FAM83G: variants seen among roughly 807,000 people sequenced by gnomAD.
The protein encoded by FAM83G is protein FAM83G.
Under a neutral mutation model 61.5 loss-of-function variants are expected in FAM83G, and 38 were observed. The observed-to-expected ratio is 0.62, with a 90% confidence interval of 0.48 to 0.81. The LOEUF (loss-of-function observed/expected upper bound fraction) is 0.81, where lower values mean the gene tolerates loss of function less well. Among genes scored for constraint, FAM83G ranks in the 30% least tolerant of loss-of-function variants. The pLI is 0.00. For missense variants in FAM83G, 989 were observed against 1,133.6 expected, an observed-to-expected ratio of 0.87 and a Z score of 1.83; for synonymous variants, 470 against 476.1, an observed-to-expected ratio of 0.99 and a Z score of 0.17.
intron 5 of FAM83G, among the ~76,000 whole-genome samples, chr17:18,974,540 C>G (rs1002910028): frequency 6.6e-6 from 1 of 152,326 alleles, no homozygotes; most frequent in African/African-American, 2.4e-5. Context: ...CCTGCTGATG[C>G]CGCAGCTCCA....
chr17:18,978,439 C>T lies in FAM83G; in HGVS notation c.1227G>A (p.Glu409=). Residue 409 remains glutamate (E), a synonymous_variant, in exon 5 of 6, where the codon GAG becomes GAA. Transcript: ENST00000388995. ...CTGGCTCCACCCACGTGGGCAGGTA[C>T]TCAAACATGTTGGCCCTCTCCAGGT... ...LLHLERANMF[E]YLPTWVEPDP... is the part of the protein sequence containing the mutation. 6.2e-7 allele frequency: 1 copy of T among 1,601,930 alleles called. No individual in the cohort carries two copies. Among genetic ancestry groups the T allele is most frequent in the South Asian group, 1.1e-5 (1 of 89,822 alleles).
At position 18,984,109 on chromosome 17, in the gene FAM83G, G is replaced by C. The variant is rs187542399; in HGVS notation, c.690+4138C>G. Among the ~76,000 whole-genome samples, 5 of 152,238 alleles carry C rather than the reference G, an allele frequency of 3.3e-5. No individual in the cohort carries two copies. The East Asian group carries it at 9.7e-4, about 29-fold the overall frequency. Reference sequence around the variant, plus strand: ...TGTAATCCCCGCACTTTGGGAGGCCGAGGCGGGCGGATCACGAGGTCAGCA... The same window carrying C: ...TGTAATCCCCGCACTTTGGGAGGCCCAGGCGGGCGGATCACGAGGTCAGCA... On this transcript the variant is annotated intron_variant, in intron 3 of 5. Coordinates refer to ENST00000388995, the MANE Select transcript of FAM83G (RefSeq NM_001039999.3).
intron 5 of FAM83G, chr17:18,975,602 G>A (rs2042956175): frequency 6.6e-6 from 1 of 152,176 alleles, no homozygotes; most frequent in South Asian, 2.1e-4. Context: ...GCTGAGGCAG[G>A]AGAATCCCTT....
chr17:18,974,595 A>G (rs1476699363), intron 5 of FAM83G, among the ~76,000 whole-genome samples: 1 of 152,204 alleles, frequency 6.6e-6, no homozygotes, highest in Non-Finnish European at 1.5e-5. Context: ...CTCAGTCATA[A>G]CAGCAACCAC....
chr17:19,005,912 G>A (rs528978669), upstream of FAM83G, among the ~76,000 whole-genome samples: 1 of 152,174 alleles, frequency 6.6e-6, no homozygotes, highest in Non-Finnish European at 1.5e-5. Context: ...TGATCCCAGC[G>A]GGGGAGCCCT....
chr17:18,968,911 G>T lies in FAM83G; in HGVS notation c.*2448C>A. On this transcript the variant is annotated 3_prime_UTR_variant, in exon 6 of 6. Transcript: ENST00000388995. The surrounding 1 kb of genome is among the most constrained non-coding windows in gnomAD (Gnocchi z 4.1). ...AACCTCACAATGGCCCCGTGATGCA[G>T]GCAGGCAGGCGAGTGGGGGTCTCCC... 1.4e-6 allele frequency: 1 copy of T among 691,352 alleles called. No homozygotes were observed. Among genetic ancestry groups the T allele is most frequent in the Non-Finnish European group, 2.4e-6 (1 of 421,458 alleles). 42.8% of individuals were successfully genotyped at this position (691,352 alleles called of 1,614,324 possible). A position where few individuals can be genotyped will look rare whatever the true frequency, so the allele number is the denominator to read the frequency against.
rs80076342 is a variant in FAM83G at position 19,000,101 on chromosome 17, C to T, written c.522+3419G>A. On this transcript the variant is annotated intron_variant, in intron 2 of 5. Coordinates refer to ENST00000388995, the MANE Select transcript of FAM83G (RefSeq NM_001039999.3). The surrounding 1 kb of genome is among the most constrained non-coding windows in gnomAD (Gnocchi z 5.2). ...CCTCCCAGGCGTGATCTTACAAGCC[C>T]GTCCTCTGGTATGTAGTTGGAACCC... Among the ~76,000 whole-genome samples the T allele has an allele frequency of 4.5e-3, 678 of 152,350 alleles. 6 individuals are homozygous for T. Among genetic ancestry groups the T allele is most frequent in the African/African-American group, 0.016 (655 of 41,590 alleles).
At chr17:18,984,883 G>A (rs1326999404) in intron 3 of FAM83G, among the ~76,000 whole-genome samples, 5 of 152,258 alleles carry the variant, frequency 3.3e-5, no homozygotes, top group Non-Finnish European at 4.4e-5. Context: ...CACATGGAGG[G>A]CCACTGGGGC....
rs749944687 is a variant in FAM83G, at chr17:18,978,668, G to A, written c.998C>T (p.Pro333Leu). The change falls in exon 5 of 6, where the codon CCC (proline) becomes CTC (leucine). Residue 333 changes from proline (P) to leucine (L), a missense_variant. By Grantham distance (98) the Pro-to-Leu change is moderately conservative (BLOSUM62 -3). This residue lies in a region of FAM83G where 44 missense variants were observed against 83.9 expected (regional missense o/e 0.52). Transcript: ENST00000388995. ...PEPIVLPSVV[P>L]LVPAGTVAKK... ...GGCCACAGTGCCCGCGGGCACCAGG[G>A]GGACCACAGAGGGCAGCACAATAGG... 2 of 1,612,994 alleles carry A rather than the reference G, an allele frequency of 1.2e-6. No homozygotes were observed. The highest frequency in any genetic ancestry group is 1.7e-6 in the Non-Finnish European group (2 of 1,180,000).
chr17:19,000,956 C>T lies in FAM83G; in HGVS notation c.522+2564G>A, dbSNP rs564906874. Among the ~76,000 whole-genome samples, 1 of 152,280 alleles carries T rather than the reference C, an allele frequency of 6.6e-6. No individual in the cohort carries two copies. The highest frequency in any genetic ancestry group is 1.9e-4 in the East Asian group (1 of 5,176). On this transcript the variant is annotated intron_variant, in intron 2 of 5. Transcript: ENST00000388995. The surrounding 1 kb of genome is among the most constrained non-coding windows in gnomAD (Gnocchi z 5.2). ...GCAGTGGCCTGGATGAGCTGCCCCT[C>T]CCAGCCCCTGCCTGTCACTCTGTCC...
intron 5 of FAM83G, among the ~76,000 whole-genome samples, chr17:18,974,139 C>T (rs537157725): frequency 1.3e-5 from 2 of 152,176 alleles, no homozygotes; most frequent in African/African-American, 2.4e-5. Flanking sequence ...GATCCGCCCA[C>T]CTAGGCCTCC....
intron 2 of FAM83G, among the ~76,000 whole-genome samples, chr17:18,991,497 G>C (rs769407767): frequency 3.2e-4 from 48 of 152,196 alleles, no homozygotes; most frequent in Non-Finnish European, 6.2e-4. Context: ...GCAGGGCAAG[G>C]GCTGTGGAAA....
intron 3 of FAM83G, among the ~76,000 whole-genome samples, chr17:18,984,022 C>T (rs2043201690): frequency 6.6e-6 from 1 of 152,230 alleles, no homozygotes; most frequent in Non-Finnish European, 1.5e-5. Context: ...AAATGTCCCT[C>T]AGCAGAGTGA....
rs1271050660 is a variant in FAM83G, at chr17:19,003,704, G to C, written c.338C>G (p.Pro113Arg). 6.2e-7 allele frequency: 1 copy of C among 1,606,446 alleles called. No homozygotes were observed. Residue 113 changes from proline to arginine, a missense_variant, in exon 2 of 6, where the codon CCG becomes CGG. Around this residue, in one of 3 missense-constraint regions of FAM83G, gnomAD observed 371 missense variants for 404.5 expected, o/e 0.92. Coordinates refer to ENST00000388995, the MANE Select transcript of FAM83G (RefSeq NM_001039999.3). This position sits in a 1 kb window ranked among gnomAD's most constrained non-coding sequence, Gnocchi z 4.5. The part of the protein sequence containing the change: ...GADGVPIEAE[P>R]LPSLEYWPQK... ...GGGCCAGTACTCCAGGGAGGGCAGCGGCTCGGCCTCGATGGGGACCCCATC... is the reference window on the plus strand; with the variant it reads ...GGGCCAGTACTCCAGGGAGGGCAGCCGCTCGGCCTCGATGGGGACCCCATC...
intron 5 of FAM83G, among the ~76,000 whole-genome samples, chr17:18,974,425 C>T (rs561670465): frequency 6.6e-5 from 10 of 152,366 alleles, no homozygotes; most frequent in Admixed American, 3.3e-4. Context: ...TCTGGGCTCC[C>T]GTCTGGGCTA....
Position 18,977,998 on chromosome 17 carries a change from C to G in FAM83G, c.1668G>C (p.Arg556=). The change falls in exon 5 of 6, where the codon CGG becomes CGC. Residue 556 remains arginine, a synonymous_variant. Transcript: ENST00000388995. ...GGTCATCCTGGGTCACAGATAGCTG[C>G]CGCTGGAGTGGGGCGTGGCCTGGGC... is the stretch of plus-strand genomic sequence containing the variant. ...MAGPGHAPLQ[R]QLSVTQDDPE... 1 of 1,567,574 alleles carries G rather than the reference C, an allele frequency of 6.4e-7. No individual in the cohort carries two copies. The highest frequency in any genetic ancestry group is 8.6e-7 in the Non-Finnish European group (1 of 1,156,072).
At position 18,968,869 on chromosome 17, in the gene FAM83G, C is replaced by T. The variant is rs571458369; in HGVS notation, c.*2490G>A. 1.8e-4 allele frequency: 106 copies of T among 595,992 alleles called. 2 individuals are homozygous for T. The highest frequency in any genetic ancestry group is 1.6e-3 in the African/African-American group (87 of 53,704). 36.9% of individuals were successfully genotyped at this position (595,992 alleles called of 1,614,324 possible). On this transcript the variant is annotated 3_prime_UTR_variant, in exon 6 of 6. Coordinates refer to ENST00000388995, the MANE Select transcript of FAM83G (RefSeq NM_001039999.3). This position sits in a 1 kb window ranked among gnomAD's most constrained non-coding sequence, Gnocchi z 4.1. ...ACATCCGCACAAGCTTGTAGCTCCA[C>T]GGCCAGGTCTTCCCCCAACCTCACA...
Position 18,970,714 on chromosome 17 carries a change from G to A in FAM83G, c.*645C>T. On this transcript the variant is annotated 3_prime_UTR_variant, in exon 6 of 6. Coordinates refer to ENST00000388995, the MANE Select transcript of FAM83G (RefSeq NM_001039999.3). ...TGAGAACCACTTGCCCAAGGCCGATGAGTGTCCAGAGGCCAACAGTGACTC... is the reference window on the plus strand; with the variant it reads ...TGAGAACCACTTGCCCAAGGCCGATAAGTGTCCAGAGGCCAACAGTGACTC... The A allele has an allele frequency of 2.3e-6, 1 of 427,372 alleles. No individual in the cohort carries two copies. The highest frequency in any genetic ancestry group is 4.3e-6 in the Non-Finnish European group (1 of 234,484). 26.5% of individuals were successfully genotyped at this position (427,372 alleles called of 1,614,324 possible).
chr17:18,994,358 G>A (rs375833024), intron 2 of FAM83G, among the ~76,000 whole-genome samples: 15 of 152,272 alleles, frequency 9.9e-5, no homozygotes, highest in African/African-American at 3.6e-4. Context: ...GGAGTCTTGT[G>A]GTCTCCCTGA....
Sources: gnomAD v4.1 joint callset for allele counts (sites outside exome capture counted in the v4.1 genomes callset) on GRCh38, gnomAD v4.1.1 for gene constraint, gnomAD v4.1.1 regional missense constraint, Gnocchi (gnomAD v3.1) non-coding constraint, MANE v1.5 for transcripts, NCBI Gene and HGNC (gene_info 2026-07-23, HGNC 2026-07-21) for gene names.